Variants in TOMM70 observed in about 807,000 individuals in gnomAD.
TOMM70 encodes the protein translocase of outer mitochondrial membrane 70.
In TOMM70, 13 loss-of-function variants were observed where a neutral mutation model predicts 73.6. That is an observed-to-expected ratio of 0.18 (90% CI 0.11 to 0.28). The LOEUF (loss-of-function observed/expected upper bound fraction) is 0.28, where lower values mean the gene tolerates loss of function less well. Ranked by LOEUF, TOMM70 falls within the 10% of genes least tolerant of loss-of-function variation. The probability of loss-of-function intolerance (pLI) is 1.00; values close to 1 mark genes in which losing one functional copy is unlikely to be tolerated. For missense variants in TOMM70, 609 were observed against 747.5 expected (o/e 0.81, Z 2.16); for synonymous variants, 257 against 271.2 (o/e 0.95, Z 0.51).
intron 1 of TOMM70, among the ~76,000 whole-genome samples, chr3:100,388,714 A>G (rs1380567997): frequency 1.3e-5 from 2 of 152,238 alleles, no homozygotes; most frequent in African/African-American, 2.4e-5. Context: ...AGCAGGATAT[A>G]CCAAGCAAAC....
chr3:100,397,414 G>A (rs781366938), intron 1 of TOMM70, among the ~76,000 whole-genome samples: 13 of 152,122 alleles, frequency 8.5e-5, no homozygotes, highest in Non-Finnish European at 1.9e-4. Flanking sequence ...CTTTACCAAA[G>A]AACAATCTAG....
rs1343125064 is a variant in TOMM70, at chr3:100,365,317, T to C, written c.*247A>G. Reference sequence around the variant, plus strand: ...ATTATCATTTGTACTCTTTGCAACTTTATTTAAAAATCCCTTTAACATGTT... The same window carrying C: ...ATTATCATTTGTACTCTTTGCAACTCTATTTAAAAATCCCTTTAACATGTT... On this transcript the variant is annotated 3_prime_UTR_variant, in exon 12 of 12. Coordinates refer to ENST00000284320, the MANE Select transcript of TOMM70 (RefSeq NM_014820.5). The C allele has an allele frequency of 2.3e-6, 1 of 441,406 alleles. No individual in the cohort carries two copies. The highest frequency in any genetic ancestry group is 3.9e-6 in the Non-Finnish European group (1 of 253,238). The allele number at this position is 441,406 out of a possible 1,614,324, so 27.3% of individuals were successfully genotyped here.
At chr3:100,398,896 T>C (rs2148895884) in intron 1 of TOMM70, among the ~76,000 whole-genome samples, 1 of 152,352 alleles carries the variant, frequency 6.6e-6, no homozygotes, top group East Asian at 1.9e-4. Context: ...TATGGCTTTC[T>C]CATGGCCTAG....
At chr3:100,399,458 T>C (rs1047831635) in intron 1 of TOMM70, among the ~76,000 whole-genome samples, 8 of 152,276 alleles carry the variant, frequency 5.3e-5, no homozygotes, top group South Asian at 4.1e-4. Context: ...GGTACTACCA[T>C]TGAACAACTC....
intron 1 of TOMM70, among the ~76,000 whole-genome samples, chr3:100,391,007 G>C (rs1319222156): frequency 6.6e-6 from 1 of 151,950 alleles, no homozygotes; most frequent in African/African-American, 2.4e-5. Flanking sequence ...CAGGTGTGGT[G>C]GTGGGCGCCT....
intron 3 of TOMM70, 27 bp from the exon 4 acceptor site, chr3:100,384,615 A>T (rs1415218146): frequency 4.1e-6 from 6 of 1,457,332 alleles, no homozygotes; most frequent in African/African-American, 2.8e-5. Flanking sequence ...ACACAAGGGT[A>T]AATATAAAAT....
Position 100,381,603 on chromosome 3 carries a change from T to C in TOMM70, c.884+12A>G, listed in dbSNP as rs148376089. Reference sequence around the variant, plus strand: ...AACACCACTAAGTAGACACTATGCTTGACATACTTACTTTTCTTTCACTTC... The same window carrying C: ...AACACCACTAAGTAGACACTATGCTCGACATACTTACTTTTCTTTCACTTC... On this transcript the variant is annotated intron_variant, in intron 5 of 11. Transcript: ENST00000284320. 315 of 1,611,434 alleles carry C rather than the reference T, an allele frequency of 2.0e-4. No individual in the cohort carries two copies. Among genetic ancestry groups the C allele is most frequent in the Middle Eastern group, 1.3e-3 (8 of 6,050 alleles).
intron 1 of TOMM70, 41 bp from the exon 2 acceptor site, chr3:100,387,019 T>C (rs1706699616): frequency 6.3e-7 from 1 of 1,592,324 alleles, no homozygotes; most frequent in Non-Finnish European, 8.6e-7. Context: ...TAATCAACAT[T>C]CACAGACTCA....
At chr3:100,400,134 G>T (rs7652753) in intron 1 of TOMM70, among the ~76,000 whole-genome samples, 1,811 of 151,848 alleles carry the variant, frequency 0.012, 37 homozygotes, top group African/African-American at 0.042. Flanking sequence ...TTTTTGTTTT[G>T]CTTTTGTCAA....
chr3:100,375,695 C>T (rs1352165181), intron 6 of TOMM70, among the ~76,000 whole-genome samples: 1 of 152,148 alleles, frequency 6.6e-6, no homozygotes, highest in Non-Finnish European at 1.5e-5. Flanking sequence ...AATAATGCTG[C>T]TATGAACATT....
In TOMM70 at chr3:100,364,529, T is replaced by C. The variant is rs1327964966; in HGVS notation, c.*1035A>G. 1 of 152,160 alleles carries C rather than the reference T, an allele frequency of 6.6e-6. No homozygotes were observed. Among genetic ancestry groups the C allele is most frequent in the African/African-American group, 2.4e-5 (1 of 41,438 alleles). 9.4% of individuals were successfully genotyped at this position (152,160 alleles called of 1,614,324 possible). On this transcript the variant is annotated 3_prime_UTR_variant, in exon 12 of 12. Coordinates refer to ENST00000284320, the MANE Select transcript of TOMM70 (RefSeq NM_014820.5). ...TTATTTGGGTTTTACATACAAGCAA[T>C]CTGCACTTTGATTTTAAAAAAGTTC...
rs979810598 is a variant in TOMM70 at position 100,400,886 on chromosome 3, C to T, written c.64G>A (p.Gly22Arg). 8 of 1,530,380 alleles carry T rather than the reference C, an allele frequency of 5.2e-6. No homozygotes were observed. Among genetic ancestry groups the T allele is most frequent in the Non-Finnish European group, 7.0e-6 (8 of 1,145,380 alleles). 94.8% of individuals were successfully genotyped at this position (1,530,380 alleles called of 1,614,324 possible). ...VAAAVPSSGS[G>R]VGGGGTAGPG... ...CCCGCAGTCCCGCCGCCGCCCACCCCACTCCCGGAGCTCGGTACAGCGGCT... is the reference window on the plus strand; with the variant it reads ...CCCGCAGTCCCGCCGCCGCCCACCCTACTCCCGGAGCTCGGTACAGCGGCT... Residue 22 changes from glycine to arginine, a missense_variant, in exon 1 of 12, where the codon GGG becomes AGG. Around this residue, in one of 2 missense-constraint regions of TOMM70, gnomAD observed 177 missense variants for 163.5 expected, o/e 1.08. Transcript: ENST00000284320.
rs188662950 is a variant in TOMM70 at position 100,367,232 on chromosome 3, A to C, written c.1673+812T>G. Among the ~76,000 whole-genome samples the C allele has an allele frequency of 7.4e-3, 1,130 of 152,242 alleles. 8 individuals carry two copies. The highest frequency in any genetic ancestry group is 9.8e-3 in the Non-Finnish European group (667 of 68,010). The stretch of plus-strand genomic sequence containing the variant: ...TGTCTCATAAAAAGAAGAAAAAAAA[A>C]CTTAATATTTACATGCCACTGTGGG... On this transcript the variant is annotated intron_variant, in intron 11 of 11. Transcript: ENST00000284320.
chr3:100,393,933 T>A (rs766713151), intron 1 of TOMM70, among the ~76,000 whole-genome samples: 2 of 152,110 alleles, frequency 1.3e-5, no homozygotes, highest in Non-Finnish European at 2.9e-5. Flanking sequence ...CCTCAGGAGA[T>A]CAGAAATGCA....
chr3:100,391,707 A>C (rs1706763895), intron 1 of TOMM70, among the ~76,000 whole-genome samples: 1 of 152,200 alleles, frequency 6.6e-6, no homozygotes, highest in African/African-American at 2.4e-5. Flanking sequence ...AAGTAGCTGT[A>C]CGTTAAGCTA....
At chr3:100,387,656 T>TTTC (rs368785361) in intron 1 of TOMM70, among the ~76,000 whole-genome samples, 1 of 150,260 alleles carries the variant, frequency 6.7e-6, no homozygotes, top group Non-Finnish European at 1.5e-5. Flanking sequence ...TTTTTTTTTT[T>TTTC]CTTGAGACAG....
intron 11 of TOMM70, 124 bp from the exon 12 acceptor site, chr3:100,365,841 T>TG: frequency 9.3e-7 from 1 of 1,072,062 alleles, no homozygotes; most frequent in Non-Finnish European, 1.3e-6. Context: ...ATGAAGGTTG[T>TG]AAGTGATGCT....
chr3:100,368,963 G>T, intron 10 of TOMM70, 75 bp downstream of exon 10: 1 of 1,077,592 alleles, frequency 9.3e-7, no homozygotes. Context: ...CCCTTCCTCA[G>T]TGGCCAAAAT....
At chr3:100,386,443 T>A (rs1706693464) in intron 2 of TOMM70, 99 bp from the exon 3 acceptor site, 1 of 1,224,892 alleles carries the variant, frequency 8.2e-7, no homozygotes, top group Non-Finnish European at 1.1e-6. Flanking sequence ...AGTCCTAGAA[T>A]AAAAAAGTAT....
Sources: gnomAD v4.1 joint callset for allele counts (sites outside exome capture counted in the v4.1 genomes callset) on GRCh38, gnomAD v4.1.1 for gene constraint, gnomAD v4.1.1 regional missense constraint, MANE v1.5 for transcripts, NCBI Gene and HGNC (gene_info 2026-07-23, HGNC 2026-07-21) for gene names.